Variants in EAF2 observed in about 807,000 individuals in gnomAD.
EAF2 encodes ELL-associated factor 2.
EAF2 carries 29 observed loss-of-function variants against 29.4 expected under a neutral mutation model. The observed-to-expected ratio is 0.99, with a 90% CI of 0.73 to 1.35. The LOEUF is 1.35. EAF2 is among the 40% of genes most tolerant of loss of function. EAF2 has a pLI of 0.00. For missense variants in EAF2, 292 were observed against 312.0 expected, an observed-to-expected ratio of 0.94 and a Z score of 0.48; for synonymous variants, 103 against 102.5, an observed-to-expected ratio of 1.00 and a Z score of -0.03.
In EAF2 at chr3:121,857,110, T is replaced by G. The variant is rs894059377; in HGVS notation, c.438T>G (p.Ser146=). Residue 146 remains serine, a synonymous_variant, in exon 4 of 6, where the codon TCT becomes TCG. Transcript: ENST00000273668. ...CCAATCTTGTAAAACATTCTCCATC[T>G]GAAGATAAGATGTCCCCAGCATCTC... is the stretch of plus-strand genomic sequence containing the variant. The part of the protein sequence containing the change: ...RTPNLVKHSP[S]EDKMSPASPI... 1 of 1,613,700 alleles carries G rather than the reference T, an allele frequency of 6.2e-7. No homozygotes were observed. Among genetic ancestry groups the G allele is most frequent in the African/African-American group, 1.3e-5 (1 of 74,902 alleles).
intron 4 of EAF2, among the ~76,000 whole-genome samples, chr3:121,865,437 T>C (rs1043555150): frequency 1.3e-5 from 2 of 152,188 alleles, no homozygotes; most frequent in East Asian, 3.8e-4. Flanking sequence ...CACTGACTAC[T>C]GTTAAAATGG....
At chr3:121,856,021 C>A (rs1372091453) in intron 3 of EAF2, among the ~76,000 whole-genome samples, 1 of 152,046 alleles carries the variant, frequency 6.6e-6, no homozygotes. Context: ...AAGTGAGGTT[C>A]TAAAGACTTT....
At chr3:121,885,209 A>G (rs185699064) in intron 5 of EAF2, among the ~76,000 whole-genome samples, 1 of 152,284 alleles carries the variant, frequency 6.6e-6, no homozygotes, top group East Asian at 1.9e-4. Flanking sequence ...GTCATTCTTC[A>G]CTTCTTTCTC....
intron 4 of EAF2, among the ~76,000 whole-genome samples, chr3:121,858,910 C>CAT (rs1443045795): frequency 3.1e-4 from 47 of 152,262 alleles, no homozygotes; most frequent in African/African-American, 1.1e-3. Flanking sequence ...TTCCCAGCAC[C>CAT]ATATATTAAA....
intron 2 of EAF2, among the ~76,000 whole-genome samples, chr3:121,850,683 G>A (rs1276592446): frequency 1.3e-5 from 2 of 151,924 alleles, no homozygotes; most frequent in African/African-American, 2.4e-5. Flanking sequence ...TTCTCAGACA[G>A]TCTATTCTTA....
At chr3:121,859,266 G>C (rs1708780997) in intron 4 of EAF2, among the ~76,000 whole-genome samples, 1 of 152,098 alleles carries the variant, frequency 6.6e-6, no homozygotes, top group Non-Finnish European at 1.5e-5. Flanking sequence ...TGGACAGTAT[G>C]GCCATTTTCA....
At chr3:121,864,846 T>C (rs988006102) in intron 4 of EAF2, among the ~76,000 whole-genome samples, 2 of 151,982 alleles carry the variant, frequency 1.3e-5, no homozygotes, top group African/African-American at 2.4e-5. Context: ...AATAATAATT[T>C]AGCTCTGAGC....
At chr3:121,859,829 A>T (rs1038476780) in intron 4 of EAF2, among the ~76,000 whole-genome samples, 3 of 152,164 alleles carry the variant, frequency 2.0e-5, no homozygotes, top group Non-Finnish European at 4.4e-5. Flanking sequence ...AGCTCTTATT[A>T]TTTTGAGATA....
At chr3:121,879,797 C>T (rs932627834) in intron 5 of EAF2, among the ~76,000 whole-genome samples, 1 of 151,876 alleles carries the variant, frequency 6.6e-6, no homozygotes, top group African/African-American at 2.4e-5. Flanking sequence ...ATGCCAATAC[C>T]ATGCTGTTTT....
intron 1 of EAF2, 63 bp downstream of exon 1, chr3:121,835,454 A>C: frequency 7.6e-6 from 11 of 1,447,388 alleles, no homozygotes; most frequent in South Asian, 1.2e-5. Context: ...AGAGGCACAA[A>C]CCCCTCTGGG....
chr3:121,854,607 C>T (rs1191786683), intron 2 of EAF2, 80 bp from the exon 3 acceptor site: 2 of 1,221,350 alleles, frequency 1.6e-6, no homozygotes, highest in African/African-American at 1.6e-5. Context: ...AAGGAGAAAC[C>T]CAGAATCAAG....
At chr3:121,880,455 G>GGGGTGTGT (rs1033336939) in intron 5 of EAF2, among the ~76,000 whole-genome samples, 175 of 143,070 alleles carry the variant, frequency 1.2e-3, no homozygotes, top group African/African-American at 4.0e-3. Flanking sequence ...AGTGTTTTGG[G>GGGGTGTGT]GTGTGTGTGT....
At chr3:121,845,299 G>A (rs112631005) in intron 2 of EAF2, among the ~76,000 whole-genome samples, 14 of 151,902 alleles carry the variant, frequency 9.2e-5, no homozygotes, top group South Asian at 8.3e-4. Flanking sequence ...TTAGCCAGTC[G>A]TGGTAGTGGG....
At chr3:121,866,914 T>C (rs774539659) in intron 4 of EAF2, among the ~76,000 whole-genome samples, 2 of 152,198 alleles carry the variant, frequency 1.3e-5, no homozygotes, top group Non-Finnish European at 2.9e-5. Flanking sequence ...CGTTCAGTTA[T>C]ACATTCCCTT....
Position 121,862,861 on chromosome 3 carries a change from A to G in EAF2, c.484+5705A>G, listed in dbSNP as rs1446439036. Among the ~76,000 whole-genome samples, 7 of 152,310 alleles carry G rather than the reference A, an allele frequency of 4.6e-5. No individual in the cohort carries two copies. The East Asian group carries it at 1.4e-3, about 29-fold the overall frequency. On this transcript the variant is annotated intron_variant, in intron 4 of 5. Transcript: ENST00000273668. ...CTTTGGTCTTTGATAATGGTGACGT[A>G]CAGATGGGGTTTTGGTGTGGATGTC...
intron 5 of EAF2, among the ~76,000 whole-genome samples, chr3:121,883,473 C>A (rs1709225985): frequency 2.0e-5 from 3 of 152,150 alleles, no homozygotes; most frequent in Non-Finnish European, 4.4e-5. Flanking sequence ...ATGTGCAAAA[C>A]AATACTTGGA....
intron 5 of EAF2, chr3:121,873,060 AG>A (rs1709044736): frequency 1.4e-6 from 1 of 700,650 alleles, no homozygotes; most frequent in Non-Finnish European, 2.6e-6. Flanking sequence ...GAGTTTCTCA[AG>A]GCTTACTTTT....
At chr3:121,874,535 A>G (rs556702317) in intron 5 of EAF2, among the ~76,000 whole-genome samples, 7 of 151,976 alleles carry the variant, frequency 4.6e-5, no homozygotes, top group African/African-American at 1.7e-4. Flanking sequence ...TATATTCCTG[A>G]CTTCCTTATC....
rs368277860 is a variant in EAF2 at position 121,865,520 on chromosome 3, C to T, written c.485-7017C>T. 8.5e-5 allele frequency among the ~76,000 whole-genome samples: 13 copies of T among 152,096 alleles called. No homozygotes were observed. In the East Asian group the frequency reaches 1.4e-3, roughly 16 times the overall value. On this transcript the variant is annotated intron_variant, in intron 4 of 5. Transcript: ENST00000273668. ...TGTAGCTTAAATTTTACATTTACAT[C>T]TTTGAGCTATCTAGAATTGAGTTTG...
Sources: allele counts gnomAD v4.1 joint callset (sites outside exome capture counted in the v4.1 genomes callset), GRCh38; gene constraint gnomAD v4.1.1; transcripts MANE v1.5; gene names NCBI Gene and HGNC (gene_info 2026-07-23, HGNC 2026-07-21).